The following PRRC2B variants were observed in gnomAD, a reference collection of about 807,000 sequenced individuals.
PRRC2B encodes protein PRRC2B.
A neutral mutation model predicts 242.3 loss-of-function variants in PRRC2B; 68 were observed. That is an observed-to-expected ratio of 0.28 (90% CI 0.23 to 0.34). The LOEUF (loss-of-function observed/expected upper bound fraction) is 0.34, where lower values mean the gene tolerates loss of function less well. PRRC2B is among the 10% of genes least tolerant of loss of function. The probability of loss-of-function intolerance (pLI) is 1.00; values close to 1 mark genes in which losing one functional copy is unlikely to be tolerated. For synonymous variants in PRRC2B, 1,228 were observed against 1,173.6 expected (o/e 1.05, Z -0.95); for missense variants, 2,835 against 2,954.8 (o/e 0.96, Z 0.94).
intron 9 of PRRC2B, among the ~76,000 whole-genome samples, chr9:131,451,212 A>T (rs1457462135): frequency 6.6e-6 from 1 of 152,158 alleles, no homozygotes; most frequent in East Asian, 1.9e-4. Flanking sequence ...ATCCTGGCTA[A>T]CATGGTGAAA....
At chr9:131,442,282 A>G (rs550891902) in intron 5 of PRRC2B, among the ~76,000 whole-genome samples, 1 of 152,120 alleles carries the variant, frequency 6.6e-6, no homozygotes, top group African/African-American at 2.4e-5. Context: ...ACAGGCATGC[A>G]CCACCATGCC....
intron 12 of PRRC2B, 74 bp from the exon 13 acceptor site, chr9:131,467,489 C>T: frequency 7.6e-7 from 1 of 1,316,334 alleles, no homozygotes; most frequent in East Asian, 2.5e-5. Flanking sequence ...GGAAGAAGTA[C>T]TTGTTTGTAA....
At chr9:131,473,258 T>C (rs1943593571) in intron 14 of PRRC2B, among the ~76,000 whole-genome samples, 1 of 152,164 alleles carries the variant, frequency 6.6e-6, no homozygotes, top group Admixed American at 6.5e-5. Flanking sequence ...CAAGCCTATA[T>C]CTGACAAATG....
At chr9:131,394,793 C>A (rs1212363843) in intron 1 of PRRC2B, among the ~76,000 whole-genome samples, 1 of 151,728 alleles carries the variant, frequency 6.6e-6, no homozygotes, top group African/African-American at 2.4e-5. Context: ...CGGGGTGGGC[C>A]GGGCCCCGGC....
Position 131,394,150 on chromosome 9 carries a change from G to T in PRRC2B, c.-165G>T. 6.7e-6 allele frequency: 1 copy of T among 149,062 alleles called. No individual in the cohort carries two copies. The highest frequency in any genetic ancestry group is 1.8e-4 in the South Asian group (1 of 5,628). 9.2% of individuals were successfully genotyped at this position (149,062 alleles called of 1,614,324 possible). ...GCCCGGGAGGAGGGAGGGAGCGAGCGAGCGAGCAGCCCGCGCCGCCGCCTC... is the reference window on the plus strand; with the variant it reads ...GCCCGGGAGGAGGGAGGGAGCGAGCTAGCGAGCAGCCCGCGCCGCCGCCTC... On this transcript the variant is annotated 5_prime_UTR_variant, in exon 1 of 32. Coordinates refer to ENST00000683519, the MANE Select transcript of PRRC2B (RefSeq NM_013318.4).
intron 28 of PRRC2B, among the ~76,000 whole-genome samples, chr9:131,489,861 C>G (rs980162563): frequency 6.6e-6 from 1 of 152,008 alleles, no homozygotes; most frequent in Non-Finnish European, 1.5e-5. Flanking sequence ...CCACACCCCT[C>G]GAACCACTTT....
intron 28 of PRRC2B, among the ~76,000 whole-genome samples, chr9:131,488,534 T>C (rs564884749): frequency 1.3e-5 from 2 of 152,338 alleles, no homozygotes; most frequent in African/African-American, 4.8e-5. Context: ...AGGGCTGGGA[T>C]GACAGGCGTG....
At position 131,498,125 on chromosome 9, in the gene PRRC2B, T is replaced by A. The variant is rs1321783764; in HGVS notation, c.*2251T>A. The A allele has an allele frequency of 6.6e-6, 1 of 152,160 alleles. No homozygotes were observed. The highest frequency in any genetic ancestry group is 1.5e-5 in the Non-Finnish European group (1 of 68,038). 9.4% of individuals were successfully genotyped at this position (152,160 alleles called of 1,614,324 possible). A position where few individuals can be genotyped will look rare whatever the true frequency, so the allele number is the denominator to read the frequency against. On this transcript the variant is annotated 3_prime_UTR_variant, in exon 32 of 32. Transcript: ENST00000683519. ...GTATCAGACCCACAGTACTTGCTGT[T>A]TGAGAAAAAATAAAAACAAAAAGGT... is the stretch of plus-strand genomic sequence containing the variant.
At chr9:131,473,819 A>C (rs1014452807) in intron 15 of PRRC2B, 95 bp downstream of exon 15, 5 of 920,470 alleles carry the variant, frequency 5.4e-6, no homozygotes. Flanking sequence ...CCTAGGAGAC[A>C]CTGCCCACGG....
At chr9:131,459,104 T>G in intron 10 of PRRC2B, 60 bp from the exon 11 acceptor site, 388 of 1,481,300 alleles carry the variant, frequency 2.6e-4, no homozygotes, top group Non-Finnish European at 3.3e-4. Flanking sequence ...CTCTGACCAG[T>G]GAGATCAGAA....
chr9:131,479,312 A>G lies in PRRC2B; in HGVS notation c.4819A>G (p.Asn1607Asp). 1.2e-6 allele frequency: 2 copies of G among 1,613,940 alleles called. No homozygotes were observed. The highest frequency in any genetic ancestry group is 1.7e-6 in the Non-Finnish European group (2 of 1,179,864). The part of the protein sequence containing the change: ...RIPPRFAKKQ[N>D]NLCLEQGDVT... The stretch of plus-strand genomic sequence containing the variant: ...TCCTCCTCGATTTGCAAAAAAGCAG[A>G]ACAACTTATGTCTGGAGCAAGGTGA... Residue 1607 changes from asparagine (N) to aspartate (D), a missense_variant, in exon 19 of 32, where the codon AAC becomes GAC. Physicochemically the swap from Asn to Asp is conservative, Grantham distance 23. This residue lies in a region of PRRC2B where 1,536 missense variants were observed against 1,483.1 expected (regional missense o/e 1.04). Transcript: ENST00000683519.
rs988010972 is a variant in PRRC2B, at chr9:131,494,065, T to C, written c.6474-340T>C. On this transcript the variant is annotated intron_variant, in intron 30 of 31. Coordinates refer to ENST00000683519, the MANE Select transcript of PRRC2B (RefSeq NM_013318.4). The surrounding 1 kb of genome is among the most constrained non-coding windows in gnomAD (Gnocchi z 4.3). ...CTTTTGTCTGGGGCACTGCATCGTG[T>C]TGGTCCAGACCCTGAGACGGCCAGT... 2.0e-5 allele frequency among the ~76,000 whole-genome samples: 3 copies of C among 152,226 alleles called. No individual in the cohort carries two copies. The highest frequency in any genetic ancestry group is 7.2e-5 in the African/African-American group (3 of 41,458).
intron 1 of PRRC2B, among the ~76,000 whole-genome samples, chr9:131,400,877 C>T (rs976944662): frequency 1.3e-5 from 2 of 152,068 alleles, no homozygotes; most frequent in African/African-American, 4.8e-5. Flanking sequence ...CCATTGACTC[C>T]TGGGGAGATC....
chr9:131,431,888 C>T (rs192641285), intron 2 of PRRC2B, among the ~76,000 whole-genome samples: 93 of 152,010 alleles, frequency 6.1e-4, no homozygotes, highest in African/African-American at 2.2e-3. Flanking sequence ...GCCCGGCCAT[C>T]CTTAAAGAAT....
chr9:131,393,062 C>T (rs1836931906), upstream of PRRC2B, among the ~76,000 whole-genome samples: 1 of 152,136 alleles, frequency 6.6e-6, no homozygotes, highest in South Asian at 2.1e-4. Flanking sequence ...GTTCACCAGC[C>T]TCAGTTCTGG....
rs1943905204 is a variant in PRRC2B at position 131,482,730 on chromosome 9, A to G, written c.5196A>G (p.Gly1732=). The part of the protein sequence containing the change: ...SEQKDSEQGS[G]QSKEHRPGPI... ...TCAAGGATTCAGAACAAGGCTCTGGACAGAGCAAGGAGCACAGACCAGGAC... is the reference window on the plus strand; with the variant it reads ...TCAAGGATTCAGAACAAGGCTCTGGGCAGAGCAAGGAGCACAGACCAGGAC... The change falls in exon 22 of 32, where the codon GGA becomes GGG. Residue 1732 remains glycine (G), a synonymous_variant. Coordinates refer to ENST00000683519, the MANE Select transcript of PRRC2B (RefSeq NM_013318.4). The surrounding 1 kb of genome is among the most constrained non-coding windows in gnomAD (Gnocchi z 5.2). 2 of 1,600,088 alleles carry G rather than the reference A, an allele frequency of 1.2e-6. No homozygotes were observed. The highest frequency in any genetic ancestry group is 3.5e-5 in the Admixed American group (2 of 57,196).
At chr9:131,441,996 C>T (rs1190475940) in intron 5 of PRRC2B, among the ~76,000 whole-genome samples, 1 of 151,906 alleles carries the variant, frequency 6.6e-6, no homozygotes, top group Non-Finnish European at 1.5e-5. Context: ...TTTTTTCCTA[C>T]CCTTTATCCT....
At chr9:131,393,836 C>T (rs1836953442), upstream of PRRC2B, among the ~76,000 whole-genome samples, 1 of 151,682 alleles carries the variant, frequency 6.6e-6, no homozygotes, top group African/African-American at 2.4e-5. Context: ...TCTCCCGCCT[C>T]TCCCGCCGTC....
Position 131,473,564 on chromosome 9 carries a change from G to A in PRRC2B, c.2164G>A (p.Glu722Lys), listed in dbSNP as rs767645631. 8 of 1,610,810 alleles carry A rather than the reference G, an allele frequency of 5.0e-6. No individual in the cohort carries two copies. Among genetic ancestry groups the A allele is most frequent in the Non-Finnish European group, 5.1e-6 (6 of 1,178,634 alleles). The change falls in exon 15 of 32, where the codon GAG becomes AAG. Residue 722 changes from glutamate (E) to lysine (K), a missense_variant. Transcript: ENST00000683519. ...CCTCAATGGGACAGGCTGTCGCTCT[G>A]AGGATCAGAACTGTGTGCCCCCACT... ...ESLNGTGCRS[E>K]DQNCVPPLQE... is the part of the protein sequence containing the mutation.
Sources: gnomAD v4.1 joint callset for allele counts (sites outside exome capture counted in the v4.1 genomes callset) on GRCh38, gnomAD v4.1.1 for gene constraint, gnomAD v4.1.1 regional missense constraint, Gnocchi (gnomAD v3.1) non-coding constraint, MANE v1.5 for transcripts, NCBI Gene and HGNC (gene_info 2026-07-23, HGNC 2026-07-21) for gene names.